ELL: variants seen among roughly 807,000 people sequenced by gnomAD.
ELL encodes RNA polymerase II elongation factor ELL.
ELL carries 18 observed loss-of-function variants against 64.0 expected under a neutral mutation model. The ratio of observed to expected loss-of-function variants is 0.28; its 90% confidence interval spans 0.19 to 0.42. The LOEUF is 0.42. Among genes scored for constraint, ELL ranks in the 10% least tolerant of loss-of-function variants. ELL has a pLI of 1.00. For missense variants in ELL, 797 were observed against 870.4 expected, an observed-to-expected ratio of 0.92 and a Z score of 1.06; for synonymous variants, 399 against 376.2, an observed-to-expected ratio of 1.06 and a Z score of -0.70.
At chr19:18,458,582 A>C (rs1974734398) in intron 5 of ELL, among the ~76,000 whole-genome samples, 1 of 152,120 alleles carries the variant, frequency 6.6e-6, no homozygotes, top group African/African-American at 2.4e-5. Context: ...ACTGTCTTAG[A>C]GGTGCTGGGG....
chr19:18,516,173 G>A (rs1215271281), intron 1 of ELL, among the ~76,000 whole-genome samples: 1 of 152,058 alleles, frequency 6.6e-6, no homozygotes, highest in Non-Finnish European at 1.5e-5. Context: ...CCTGCCACCG[G>A]TGCCAAGGGT....
At chr19:18,458,660 C>A (rs1974736195) in intron 5 of ELL, among the ~76,000 whole-genome samples, 2 of 152,154 alleles carry the variant, frequency 1.3e-5, no homozygotes, top group Admixed American at 6.5e-5. Flanking sequence ...TGCCCCCTGG[C>A]CCCTCTAGCC....
At chr19:18,473,409 G>C (rs1975105089) in intron 1 of ELL, among the ~76,000 whole-genome samples, 1 of 152,204 alleles carries the variant, frequency 6.6e-6, no homozygotes, top group Admixed American at 6.5e-5. Flanking sequence ...CACAAACACT[G>C]GCTTTTAACA....
chr19:18,465,770 G>T, intron 3 of ELL, 27 bp downstream of exon 3: 1 of 1,422,402 alleles, frequency 7.0e-7, no homozygotes, highest in Non-Finnish European at 9.3e-7. Context: ...AGCCGGCGGG[G>T]TGCTCTGGGG....
chr19:18,471,317 G>T, intron 2 of ELL: 1 of 419,904 alleles, frequency 2.4e-6, no homozygotes, highest in Non-Finnish European at 4.7e-6. Context: ...CAAAGCTGAA[G>T]TAAGCTATGG....
At position 18,465,584 on chromosome 19, in the gene ELL, CA is replaced by C. The variant is rs766577855; in HGVS notation, c.306-10del. 2.5e-4 allele frequency: 395 copies of C among 1,579,360 alleles called. No individual in the cohort carries two copies. Among genetic ancestry groups the C allele is most frequent in the Non-Finnish European group, 3.0e-4 (350 of 1,155,158 alleles). ...GGTGAACTTCCCCATGACTGCAAGA[CA>C]AGGCCAGGAGCTGGGGTCAGCAGCT... On this transcript the variant is annotated splice_polypyrimidine_tract_variant and intron_variant, in intron 3 of 11. Coordinates refer to ENST00000262809, the MANE Select transcript of ELL (RefSeq NM_006532.4).
intron 1 of ELL, chr19:18,473,115 G>T: frequency 1.5e-6 from 1 of 677,728 alleles, no homozygotes; most frequent in Non-Finnish European, 2.7e-6. Context: ...CACATGACAG[G>T]TAAGAATGGG....
At chr19:18,488,022 C>T (rs1975455052) in intron 1 of ELL, among the ~76,000 whole-genome samples, 1 of 152,164 alleles carries the variant, frequency 6.6e-6, no homozygotes, top group Non-Finnish European at 1.5e-5. Flanking sequence ...CAAGTGTCCA[C>T]CGTGGTCTCT....
chr19:18,445,502 T>C lies in ELL; in HGVS notation c.1705-234A>G, dbSNP rs1380820574. ...AATAGCAGGTGGGGCACTGCTGTTG[T>C]GGGGGCGTGGCAGGACAAGGAAGTA... On this transcript the variant is annotated intron_variant, in intron 10 of 11. Transcript: ENST00000262809. 3.4e-5 allele frequency: 4 copies of C among 116,250 alleles called. No individual in the cohort carries two copies. In the Admixed American group the frequency reaches 3.8e-4, roughly 11 times the overall value. 7.2% of individuals were successfully genotyped at this position (116,250 alleles called of 1,614,324 possible).
chr19:18,451,172 G>T (rs927690028), intron 7 of ELL, among the ~76,000 whole-genome samples, 197 bp from the exon 8 acceptor site: 14 of 152,212 alleles, frequency 9.2e-5, no homozygotes, highest in African/African-American at 3.4e-4. Flanking sequence ...TGCTGGGATC[G>T]ATGCAGGGGG....
intron 4 of ELL, 114 bp from the exon 5 acceptor site, chr19:18,461,966 AC>A: frequency 7.7e-7 from 1 of 1,305,154 alleles, no homozygotes; most frequent in Non-Finnish European, 1.0e-6. Flanking sequence ...GGTGGGAGGC[AC>A]CACACCAACC....
Position 18,462,179 on chromosome 19 carries a change from A to AGTGTGTGTGT in ELL, c.470-337_470-328dup, listed in dbSNP as rs758119031. On this transcript the variant is annotated intron_variant, in intron 4 of 11. Coordinates refer to ENST00000262809, the MANE Select transcript of ELL (RefSeq NM_006532.4). ...CCTGATCACTCTCACTCTGGTGGGC[A>AGTGTGTGTGT]GTGTGTGTGTGTGTGTGTGTGTGTG... 1.9e-3 allele frequency among the ~76,000 whole-genome samples: 234 copies of AGTGTGTGTGT among 120,106 alleles called. 1 individual carries two copies. The highest frequency in any genetic ancestry group is 3.2e-3 in the Admixed American group (40 of 12,362). 78.8% of individuals were successfully genotyped at this position (120,106 alleles called of 152,430 possible). A position where few individuals can be genotyped will look rare whatever the true frequency, so the allele number is the denominator to read the frequency against.
At chr19:18,484,462 C>T (rs1975369880) in intron 1 of ELL, among the ~76,000 whole-genome samples, 1 of 152,034 alleles carries the variant, frequency 6.6e-6, no homozygotes, top group Admixed American at 6.6e-5. Context: ...GAGACTCAGT[C>T]TCAAGAAAGA....
At chr19:18,462,367 G>GTGTGTGTGTGTGT in intron 4 of ELL, among the ~76,000 whole-genome samples, 11 of 79,390 alleles carry the variant, frequency 1.4e-4, no homozygotes, top group African/African-American at 2.0e-4. Flanking sequence ...GTGTGTGTTT[G>GTGTGTGTGTGTGT]GGCGGGGGGC....
chr19:18,458,588 T>A (rs1312723669), intron 5 of ELL, among the ~76,000 whole-genome samples: 2 of 152,158 alleles, frequency 1.3e-5, no homozygotes, highest in Non-Finnish European at 2.9e-5. Flanking sequence ...TTAGAGGTGC[T>A]GGGGCCAGGC....
At chr19:18,472,586 G>A (rs1975086362) in intron 2 of ELL, 8 of 506,426 alleles carry the variant, frequency 1.6e-5, no homozygotes, top group South Asian at 3.1e-5. Flanking sequence ...GGTGCACATC[G>A]CTGCATGAAG....
At chr19:18,487,647 G>C (rs745479632) in intron 1 of ELL, among the ~76,000 whole-genome samples, 1 of 152,170 alleles carries the variant, frequency 6.6e-6, no homozygotes, top group African/African-American at 2.4e-5. Flanking sequence ...TCTCTGGGAC[G>C]AGGACCCGTG....
At chr19:18,447,056 G>A (rs1273833475) in intron 8 of ELL, among the ~76,000 whole-genome samples, 1 of 152,210 alleles carries the variant, frequency 6.6e-6, no homozygotes, top group East Asian at 1.9e-4. Context: ...GCACCTGCGT[G>A]TCCAGGGCAA....
At chr19:18,479,942 C>T (rs993373808) in intron 1 of ELL, among the ~76,000 whole-genome samples, 1 of 152,168 alleles carries the variant, frequency 6.6e-6, no homozygotes, top group Non-Finnish European at 1.5e-5. Context: ...GAAGCACCCA[C>T]TCAGCAGAAG....
Sources: allele counts gnomAD v4.1 joint callset (sites outside exome capture counted in the v4.1 genomes callset), GRCh38; gene constraint gnomAD v4.1.1; transcripts MANE v1.5; gene names NCBI Gene and HGNC (gene_info 2026-07-23, HGNC 2026-07-21).